CSMD3: variants seen among roughly 807,000 people sequenced by gnomAD.
The protein encoded by CSMD3 is CUB and Sushi multiple domains 3, also known as CUB and sushi domain-containing protein 3.
A neutral mutation model predicts 435.2 loss-of-function variants in CSMD3; 177 were observed. The observed-to-expected ratio is 0.41, with a 90% CI of 0.36 to 0.46. The LOEUF (loss-of-function observed/expected upper bound fraction) is 0.46, where lower values mean the gene tolerates loss of function less well. CSMD3 is among the 20% of genes least tolerant of loss of function. The pLI, the probability that CSMD3 is intolerant of heterozygous loss-of-function variation, is 0.34. For synonymous variants in CSMD3, 1,656 were observed against 1,520.5 expected (o/e 1.09, Z -2.07); for missense variants, 4,265 against 4,504.6 (o/e 0.95, Z 1.52).
chr8:112,638,999 T>G, intron 20 of CSMD3, 88 bp from the exon 21 acceptor site: 2 of 845,766 alleles, frequency 2.4e-6, no homozygotes, highest in Non-Finnish European at 3.9e-6. Flanking sequence ...GCCAGGACTT[T>G]ACTTATAATT....
chr8:112,303,053 AT>A (rs1254673219), intron 52 of CSMD3, among the ~76,000 whole-genome samples: 2 of 152,152 alleles, frequency 1.3e-5, no homozygotes, highest in Non-Finnish European at 2.9e-5. Context: ...ATAGTAAAGA[AT>A]CTAACACAAT....
intron 3 of CSMD3, among the ~76,000 whole-genome samples, chr8:113,177,971 A>ACT (rs1163022941): frequency 6.6e-6 from 1 of 152,014 alleles, no homozygotes; most frequent in East Asian, 1.9e-4. Flanking sequence ...GTTCAGTGAC[A>ACT]CTCTTCTCTA....
chr8:113,137,151 A>T (rs1206485813), intron 4 of CSMD3, among the ~76,000 whole-genome samples: 2 of 151,736 alleles, frequency 1.3e-5, no homozygotes, highest in Admixed American at 1.3e-4. Context: ...AGCAATGTTT[A>T]GAGTCCAAGT....
At chr8:112,661,682 A>AT (rs1243859696) in intron 17 of CSMD3, among the ~76,000 whole-genome samples, 1 of 152,136 alleles carries the variant, frequency 6.6e-6, no homozygotes, top group Non-Finnish European at 1.5e-5. Context: ...TAGTCATATT[A>AT]TTTTTGGCTT....
At chr8:112,909,438 T>G (rs1233661875) in intron 10 of CSMD3, among the ~76,000 whole-genome samples, 1 of 151,470 alleles carries the variant, frequency 6.6e-6, no homozygotes, top group East Asian at 1.9e-4. Context: ...ATAATCGAAA[T>G]AAGCCACTAA....
At chr8:113,256,664 T>C (rs185230239) in intron 3 of CSMD3, among the ~76,000 whole-genome samples, 1 of 152,314 alleles carries the variant, frequency 6.6e-6, no homozygotes, top group African/African-American at 2.4e-5. Flanking sequence ...ATAACTGGCA[T>C]CAAATTAATC....
chr8:112,866,559 A>G (rs2080990107), intron 10 of CSMD3, among the ~76,000 whole-genome samples: 1 of 152,188 alleles, frequency 6.6e-6, no homozygotes, highest in African/African-American at 2.4e-5. Context: ...GTTTGATTCA[A>G]ATGTATTTGC....
At chr8:112,779,924 A>G (rs1381488110) in intron 13 of CSMD3, among the ~76,000 whole-genome samples, 1 of 152,112 alleles carries the variant, frequency 6.6e-6, no homozygotes, top group Non-Finnish European at 1.5e-5. Flanking sequence ...TTCTACTTAC[A>G]GTAAATAAGG....
rs761336425 is a variant in CSMD3, at chr8:112,247,149, G to A, written c.10111-18C>T. On this transcript the variant is annotated intron_variant, in intron 63 of 70. Coordinates refer to ENST00000297405, the MANE Select transcript of CSMD3 (RefSeq NM_198123.2). ...CTTCCTACCTATAGCAAATTAAAGA[G>A]AGGAAAAAAATATTCCCCTACAACT... The A allele has an allele frequency of 5.9e-6, 9 of 1,529,686 alleles. No homozygotes were observed. In the South Asian group the frequency reaches 9.0e-5, roughly 15 times the overall value. The allele number at this position is 1,529,686 out of a possible 1,614,324, so 94.8% of individuals were successfully genotyped here. A position where few individuals can be genotyped will look rare whatever the true frequency, so the allele number is the denominator to read the frequency against.
intron 12 of CSMD3, among the ~76,000 whole-genome samples, chr8:112,802,488 G>A (rs1436197735): frequency 6.6e-6 from 1 of 151,978 alleles, no homozygotes; most frequent in Non-Finnish European, 1.5e-5. Flanking sequence ...GCAATGGATT[G>A]TATATTCCTA....
At chr8:112,661,683 T>G (rs2075383714) in intron 17 of CSMD3, among the ~76,000 whole-genome samples, 5 of 152,138 alleles carry the variant, frequency 3.3e-5, no homozygotes, top group African/African-American at 2.4e-5. Flanking sequence ...AGTCATATTA[T>G]TTTTGGCTTA....
At chr8:112,518,607 G>GGTGTGT (rs35981644) in intron 27 of CSMD3, among the ~76,000 whole-genome samples, 3 of 144,904 alleles carry the variant, frequency 2.1e-5, no homozygotes, top group African/African-American at 7.8e-5. Flanking sequence ...TATAAAAAAT[G>GGTGTGT]GTGTGTGTGT....
At chr8:112,255,570 AT>A in intron 61 of CSMD3, 143 bp from the exon 62 acceptor site, 1 of 740,708 alleles carries the variant, frequency 1.4e-6, no homozygotes, top group South Asian at 1.7e-5. Flanking sequence ...GAAAAAATTT[AT>A]TTTTTAGCTT....
chr8:112,443,286 T>C (rs1264898248), intron 32 of CSMD3, among the ~76,000 whole-genome samples: 5 of 152,162 alleles, frequency 3.3e-5, no homozygotes, highest in Admixed American at 2.0e-4. Context: ...AAACATACAG[T>C]AGCAAACGGT....
intron 3 of CSMD3, among the ~76,000 whole-genome samples, chr8:113,184,075 T>C (rs2092462944): frequency 1.3e-5 from 2 of 151,990 alleles, no homozygotes; most frequent in African/African-American, 4.8e-5. Context: ...CAGTGGAGTT[T>C]TCACTAGGGA....
intron 53 of CSMD3, among the ~76,000 whole-genome samples, chr8:112,299,185 C>T (rs1395438495): frequency 1.3e-5 from 2 of 151,634 alleles, no homozygotes; most frequent in Admixed American, 1.3e-4. Flanking sequence ...GTTACTGCCT[C>T]AGGTTATGGA....
At chr8:112,564,391 T>TTCTCC (rs758481590) in intron 24 of CSMD3, among the ~76,000 whole-genome samples, 2 of 145,480 alleles carry the variant, frequency 1.4e-5, no homozygotes, top group East Asian at 2.3e-4. Context: ...CTTCCCTCTC[T>TTCTCC]TCTCCTCTCC....
At chr8:113,317,301 C>G (rs1430287015) in intron 1 of CSMD3, among the ~76,000 whole-genome samples, 4 of 152,088 alleles carry the variant, frequency 2.6e-5, no homozygotes, top group Non-Finnish European at 5.9e-5. Context: ...GAACAGCTTC[C>G]AATTTGAACT....
At chr8:112,777,346 T>G (rs1247313757) in intron 13 of CSMD3, among the ~76,000 whole-genome samples, 1 of 151,888 alleles carries the variant, frequency 6.6e-6, no homozygotes, top group Non-Finnish European at 1.5e-5. Context: ...TTGTGTTGTT[T>G]GAATTTTTCT....
Sources: allele counts gnomAD v4.1 joint callset (sites outside exome capture counted in the v4.1 genomes callset), GRCh38; gene constraint gnomAD v4.1.1; transcripts MANE v1.5; gene names NCBI Gene and HGNC (gene_info 2026-07-23, HGNC 2026-07-21).